Variants in SLC2A13 observed in about 807,000 individuals in gnomAD.
SLC2A13 encodes the protein proton myo-inositol cotransporter.
In SLC2A13, 32 loss-of-function variants were observed where a neutral mutation model predicts 64.4. The observed-to-expected ratio is 0.50, with a 90% CI of 0.37 to 0.67. The LOEUF is 0.67. Among genes scored for constraint, SLC2A13 ranks in the 30% least tolerant of loss-of-function variants. The pLI, the probability that SLC2A13 is intolerant of heterozygous loss-of-function variation, is 0.00. For synonymous variants in SLC2A13, 338 were observed against 327.1 expected (o/e 1.03, Z -0.36); for missense variants, 743 against 829.2 (o/e 0.90, Z 1.28).
intron 4 of SLC2A13, among the ~76,000 whole-genome samples, chr12:39,948,910 T>A (rs1161022426): frequency 6.6e-6 from 1 of 152,034 alleles, no homozygotes; most frequent in Non-Finnish European, 1.5e-5. Context: ...AAAAAGTAAA[T>A]TACTAGACTC....
At chr12:39,960,873 G>C (rs780896721) in intron 3 of SLC2A13, among the ~76,000 whole-genome samples, 2 of 144,102 alleles carry the variant, frequency 1.4e-5, no homozygotes, top group East Asian at 2.1e-4. Flanking sequence ...TCGACCTCTC[G>C]AGTGGCTGAG....
Position 39,880,921 on chromosome 12 carries a change from A to G in SLC2A13, c.1035-8960T>C, listed in dbSNP as rs78702311. On this transcript the variant is annotated intron_variant, in intron 4 of 9. Transcript: ENST00000280871. ...CCACATTGACCTATTAATTCGTTCT[A>G]TAAAATACATGCCCACTGGACATTG... is the stretch of plus-strand genomic sequence containing the variant. 3.4e-3 allele frequency among the ~76,000 whole-genome samples: 524 copies of G among 152,364 alleles called. 1 individual carries two copies. Among genetic ancestry groups the G allele is most frequent in the African/African-American group, 0.012 (500 of 41,586 alleles).
chr12:39,843,891 G>A (rs983884797), intron 6 of SLC2A13, among the ~76,000 whole-genome samples: 2 of 151,962 alleles, frequency 1.3e-5, no homozygotes, highest in African/African-American at 4.8e-5. Context: ...CTGAGCTATA[G>A]TATATGATTA....
At chr12:39,829,893 CA>C in intron 7 of SLC2A13, 1 of 611,676 alleles carries the variant, frequency 1.6e-6, no homozygotes, top group Non-Finnish European at 2.7e-6. Flanking sequence ...TCTGGGTCTC[CA>C]AAAGTCTAGG....
At chr12:39,899,255 T>A (rs988302806) in intron 4 of SLC2A13, among the ~76,000 whole-genome samples, 2 of 152,238 alleles carry the variant, frequency 1.3e-5, no homozygotes, top group African/African-American at 2.4e-5. Flanking sequence ...CTAGATTTTC[T>A]AGTTTATTTG....
At chr12:39,826,581 T>C (rs777129625) in intron 7 of SLC2A13, among the ~76,000 whole-genome samples, 1 of 151,380 alleles carries the variant, frequency 6.6e-6, no homozygotes, top group Non-Finnish European at 1.5e-5. Flanking sequence ...GAAAAACTAA[T>C]TGTAATCTCA....
chr12:39,799,351 C>G (rs1231399001), intron 7 of SLC2A13, among the ~76,000 whole-genome samples: 1 of 148,218 alleles, frequency 6.7e-6, no homozygotes, highest in Admixed American at 6.9e-5. Flanking sequence ...CTCAAGTGAT[C>G]TGCCTACCTC....
chr12:39,927,792 A>G (rs1592290192), intron 4 of SLC2A13, among the ~76,000 whole-genome samples: 1 of 152,186 alleles, frequency 6.6e-6, no homozygotes, highest in Non-Finnish European at 1.5e-5. Flanking sequence ...AAGCTTTACA[A>G]TGTTCAAAAT....
At chr12:39,996,550 C>T (rs1258683050) in intron 3 of SLC2A13, among the ~76,000 whole-genome samples, 1 of 152,228 alleles carries the variant, frequency 6.6e-6, no homozygotes, top group Non-Finnish European at 1.5e-5. Context: ...TCATCACAGG[C>T]CAACAGGCCT....
At position 40,018,470 on chromosome 12, in the gene SLC2A13, A is replaced by G. The variant is rs148085173; in HGVS notation, c.925+9831T>C. 2.7e-4 allele frequency among the ~76,000 whole-genome samples: 41 copies of G among 152,328 alleles called. No individual in the cohort carries two copies. In the East Asian group the frequency reaches 7.7e-3, roughly 29 times the overall value. On this transcript the variant is annotated intron_variant, in intron 3 of 9. Transcript: ENST00000280871. The stretch of plus-strand genomic sequence containing the variant: ...TCAATAGTTCTTTCTTGTGGATGAA[A>G]TACGATTTTTCCTAATTTGTAGACT...
rs535510093 is a variant in SLC2A13 at position 39,930,880 on chromosome 12, A to G, written c.1034+20377T>C. Among the ~76,000 whole-genome samples, 6 of 152,330 alleles carry G rather than the reference A, an allele frequency of 3.9e-5. No individual in the cohort carries two copies. The South Asian group carries it at 6.2e-4, about 16-fold the overall frequency. On this transcript the variant is annotated intron_variant, in intron 4 of 9. Coordinates refer to ENST00000280871, the MANE Select transcript of SLC2A13 (RefSeq NM_052885.4). ...TGTGCTTTAATAGATCAATCTCCAA[A>G]GCAGTCAAGCAATTTGATTCATACC...
At chr12:39,918,981 C>A (rs922066318) in intron 4 of SLC2A13, among the ~76,000 whole-genome samples, 1 of 151,376 alleles carries the variant, frequency 6.6e-6, no homozygotes, top group South Asian at 2.1e-4. Flanking sequence ...TATATCTATA[C>A]ATTTTTTTTT....
chr12:40,054,430 A>G (rs1948305203), intron 1 of SLC2A13, among the ~76,000 whole-genome samples: 2 of 152,202 alleles, frequency 1.3e-5, no homozygotes, highest in African/African-American at 4.8e-5. Context: ...TGAAATTAAC[A>G]CAAGGAATAT....
chr12:39,987,949 C>T (rs1441490085), intron 3 of SLC2A13, among the ~76,000 whole-genome samples: 2 of 151,980 alleles, frequency 1.3e-5, no homozygotes, highest in Middle Eastern at 3.2e-3. Context: ...AGAGTGAAAT[C>T]CCCCACTGAC....
chr12:39,867,485 A>C (rs977330582), intron 5 of SLC2A13, among the ~76,000 whole-genome samples: 2 of 152,136 alleles, frequency 1.3e-5, no homozygotes, highest in African/African-American at 2.4e-5. Context: ...CAAAAAAAAA[A>C]CTGTTAAGTC....
intron 7 of SLC2A13, among the ~76,000 whole-genome samples, chr12:39,765,570 C>T (rs533352448): frequency 3.3e-5 from 5 of 152,178 alleles, no homozygotes; most frequent in Admixed American, 2.0e-4. Flanking sequence ...CCTTCAACCT[C>T]TATCTTTGAA....
chr12:39,970,780 C>T (rs1946633671), intron 3 of SLC2A13, among the ~76,000 whole-genome samples: 1 of 152,184 alleles, frequency 6.6e-6, no homozygotes, highest in Admixed American at 6.5e-5. Flanking sequence ...TTGTAAGTTG[C>T]ATTATTACAT....
At chr12:39,972,476 T>C (rs1216812654) in intron 3 of SLC2A13, among the ~76,000 whole-genome samples, 2 of 152,154 alleles carry the variant, frequency 1.3e-5, no homozygotes, top group Non-Finnish European at 1.5e-5. Context: ...AAATCTGCAA[T>C]CTCCCTGCAT....
chr12:39,841,274 C>T lies in SLC2A13; in HGVS notation c.1320-11046G>A, dbSNP rs367896715. On this transcript the variant is annotated intron_variant, in intron 6 of 9. Transcript: ENST00000280871. ...CCAGAATGGTTTTTCTTTGCTTTTG[C>T]GATTTAACATATATTGGTATTTTAG... Among the ~76,000 whole-genome samples the T allele has an allele frequency of 1.3e-3, 202 of 152,170 alleles. 1 individual carries two copies. Among genetic ancestry groups the T allele is most frequent in the African/African-American group, 4.3e-3 (178 of 41,518 alleles).
Sources: gnomAD v4.1 joint callset for allele counts (sites outside exome capture counted in the v4.1 genomes callset) on GRCh38, gnomAD v4.1.1 for gene constraint, MANE v1.5 for transcripts, NCBI Gene and HGNC (gene_info 2026-07-23, HGNC 2026-07-21) for gene names.